Variants in JAKMIP3 observed in about 807,000 individuals in gnomAD.
JAKMIP3 encodes Janus kinase and microtubule interacting protein 3, also known as janus kinase and microtubule-interacting protein 3.
A neutral mutation model predicts 118.5 loss-of-function variants in JAKMIP3; 58 were observed. The ratio of observed to expected loss-of-function variants is 0.49; its 90% CI spans 0.40 to 0.61. The LOEUF (loss-of-function observed/expected upper bound fraction) is 0.61, where lower values mean the gene tolerates loss of function less well. Among genes scored for constraint, JAKMIP3 ranks in the 20% least tolerant of loss-of-function variants. The pLI is 0.00. For synonymous variants in JAKMIP3, 486 were observed against 451.2 expected, an observed-to-expected ratio of 1.08 and a Z score of -0.98; for missense variants, 950 against 1,109.0, an observed-to-expected ratio of 0.86 and a Z score of 2.04.
At position 132,150,755 on chromosome 10, in the gene JAKMIP3, C is replaced by T. The variant is rs527747200; in HGVS notation, c.2007+714C>T. ...ATCCGTCCTCCATAATCCATGTATC[C>T]GTCCTCCATAATCCATGTATCCGTC... On this transcript the variant is annotated intron_variant, in intron 16 of 23. Transcript: ENST00000684848. Among the ~76,000 whole-genome samples, 183 of 152,078 alleles carry T rather than the reference C, an allele frequency of 1.2e-3. 1 individual carries two copies. Among genetic ancestry groups the T allele is most frequent in the African/African-American group, 4.0e-3 (167 of 41,462 alleles).
At position 132,142,070 on chromosome 10, in the gene JAKMIP3, C is replaced by CGT. The variant is rs386372877; in HGVS notation, c.1602+23_1602+24dup. On this transcript the variant is annotated intron_variant, in intron 11 of 23. Coordinates refer to ENST00000684848, the MANE Select transcript of JAKMIP3 (RefSeq NM_001323087.2). ...TAAGGTCTACGTGACTTCCACCGCGCGTTCCGGCCCCCCTCGTGCCTTCCC... is the reference window on the plus strand; with the variant it reads ...TAAGGTCTACGTGACTTCCACCGCGCGTGTTCCGGCCCCCCTCGTGCCTTCCC... 5.1e-5 allele frequency: 81 copies of CGT among 1,592,082 alleles called. 1 individual carries two copies. Among genetic ancestry groups the CGT allele is most frequent in the East Asian group, 1.6e-4 (7 of 44,190 alleles).
intron 1 of JAKMIP3, among the ~76,000 whole-genome samples, chr10:132,050,942 T>G (rs1318741553): frequency 1.9e-4 from 24 of 128,914 alleles, no homozygotes; most frequent in South Asian, 8.3e-4. Context: ...TTCTGGTGAG[T>G]GGGTACCTGC....
intron 23 of JAKMIP3, among the ~76,000 whole-genome samples, chr10:132,171,190 C>T (rs1030733703): frequency 3.9e-5 from 6 of 152,224 alleles, no homozygotes; most frequent in Non-Finnish European, 8.8e-5. Context: ...TCCTCTGAAG[C>T]GAGGCGGCTG....
At chr10:132,107,990 G>A (rs1381410712) in intron 2 of JAKMIP3, among the ~76,000 whole-genome samples, 1 of 152,242 alleles carries the variant, frequency 6.6e-6, no homozygotes. Context: ...CCCAAGGGCA[G>A]CTCCAGGAGT....
At chr10:132,159,118 CCGTGTGATTCTGGGGGCGTCTCTCCT>C (rs1198103971) in intron 19 of JAKMIP3, among the ~76,000 whole-genome samples, 13,756 of 131,362 alleles carry the variant, frequency 0.1, 987 homozygotes, top group Non-Finnish European at 0.13. Context: ...GCGTCTCTCC[CCGTGTGATTCTGGGGGCGTCTCTCCT>C]TGTGTGATGT....
At chr10:132,154,089 C>T (rs7906747) in intron 19 of JAKMIP3, 99 bp downstream of exon 19, 672,258 of 1,045,744 alleles carry the variant, frequency 0.64, 224,132 homozygotes, top group Admixed American at 0.76. Context: ...CCCATGTGGG[C>T]CAGGTCGCAG....
chr10:132,092,700 G>A (rs949272031), intron 1 of JAKMIP3, among the ~76,000 whole-genome samples: 2 of 152,110 alleles, frequency 1.3e-5, no homozygotes, highest in African/African-American at 4.8e-5. Context: ...TAGCTTCTCT[G>A]TGATGGGTTT....
intron 13 of JAKMIP3, among the ~76,000 whole-genome samples, chr10:132,147,047 TAC>T (rs938414915): frequency 2.0e-5 from 3 of 152,240 alleles, no homozygotes; most frequent in African/African-American, 7.2e-5. Flanking sequence ...CTTGTGCACG[TAC>T]ACACATGCGC....
At chr10:132,075,880 C>T (rs2040711771) in intron 1 of JAKMIP3, among the ~76,000 whole-genome samples, 1 of 152,166 alleles carries the variant, frequency 6.6e-6, no homozygotes, top group African/African-American at 2.4e-5. Flanking sequence ...CATTTGACAA[C>T]ACCTCCTCCC....
Position 132,135,951 on chromosome 10 carries a change from G to A in JAKMIP3, c.991G>A (p.Glu331Lys). The change falls in exon 6 of 24, where the codon GAG becomes AAG. Residue 331 changes from glutamate to lysine, a missense_variant. Coordinates refer to ENST00000684848, the MANE Select transcript of JAKMIP3 (RefSeq NM_001323087.2). Reference sequence around the variant, plus strand: ...TCAGTTGAAGCGCGTAAGAGAAGCTGAGAGTCAGTACAAGCCTCTGCTGGA... The same window carrying A: ...TCAGTTGAAGCGCGTAAGAGAAGCTAAGAGTCAGTACAAGCCTCTGCTGGA... ...NELLKRVREA[E>K]SQYKPLLDKN... is the part of the protein sequence containing the mutation. 1 of 1,613,032 alleles carries A rather than the reference G, an allele frequency of 6.2e-7. No homozygotes were observed. The highest frequency in any genetic ancestry group is 8.5e-7 in the Non-Finnish European group (1 of 1,179,582).
intron 1 of JAKMIP3, among the ~76,000 whole-genome samples, chr10:132,079,107 C>T (rs1263139974): frequency 1.4e-5 from 2 of 142,814 alleles, no homozygotes; most frequent in East Asian, 1.9e-4. Flanking sequence ...GGCCTGGGCC[C>T]GGCTTACAGT....
chr10:132,050,351 G>A (rs1284167978), intron 1 of JAKMIP3, among the ~76,000 whole-genome samples: 2 of 152,198 alleles, frequency 1.3e-5, no homozygotes, highest in Non-Finnish European at 2.9e-5. Context: ...TCACCCACGT[G>A]GAAAGCAGCT....
In JAKMIP3 at chr10:132,150,733, C is replaced by T. The variant is rs541852911; in HGVS notation, c.2007+692C>T. ...ATCCGTCCTCCATAATCCATCTATC[C>T]GTCCTCCATAATCCATGTATCCGTC... On this transcript the variant is annotated intron_variant, in intron 16 of 23. Coordinates refer to ENST00000684848, the MANE Select transcript of JAKMIP3 (RefSeq NM_001323087.2). 3.9e-5 allele frequency among the ~76,000 whole-genome samples: 6 copies of T among 152,082 alleles called. No homozygotes were observed. In the East Asian group the frequency reaches 5.8e-4, roughly 15 times the overall value.
Position 132,149,500 on chromosome 10 carries a change from A to T in JAKMIP3, c.1937A>T (p.Glu646Val), listed in dbSNP as rs760335018. 6 of 1,566,668 alleles carry T rather than the reference A, an allele frequency of 3.8e-6. No individual in the cohort carries two copies. The East Asian group carries it at 1.4e-4, about 36-fold the overall frequency. Reference protein sequence around the residue: ...KSPLQVYCEAEGVTDIVVAEL... With the variant: ...KSPLQVYCEAVGVTDIVVAEL... ...CCCCTCCAGGTGTACTGCGAGGCCG[A>T]AGGTGTGACGGTGAGTCCCGCCCCT... Residue 646 changes from glutamate to valine, a missense_variant, in exon 15 of 24, where the codon GAA (glutamate) becomes GTA (valine). By Grantham distance (121) the Glu-to-Val change is moderately radical (BLOSUM62 -2). Coordinates refer to ENST00000684848, the MANE Select transcript of JAKMIP3 (RefSeq NM_001323087.2).
chr10:132,125,276 C>T (rs2049305479), intron 3 of JAKMIP3, among the ~76,000 whole-genome samples: 2 of 152,196 alleles, frequency 1.3e-5, no homozygotes, highest in Non-Finnish European at 2.9e-5. Context: ...AGTTGGATAT[C>T]CCTGCTTGCT....
Position 132,044,606 on chromosome 10 carries a change from G to A in JAKMIP3, c.-138+7868G>A, listed in dbSNP as rs190874112. 1.0e-3 allele frequency among the ~76,000 whole-genome samples: 155 copies of A among 152,260 alleles called. No individual in the cohort carries two copies. Among genetic ancestry groups the A allele is most frequent in the South Asian group, 4.8e-3 (23 of 4,820 alleles). On this transcript the variant is annotated intron_variant, in intron 1 of 23. Coordinates refer to the JAKMIP3 transcript ENST00000657785. The surrounding 1 kb of genome is among the most constrained non-coding windows in gnomAD (Gnocchi z 5.3). ...GACTAGAGCAGGCTGGGGTCCTGGC[G>A]CGGGCTCTTCCTCAGGGCAGCAGGA...
intron 1 of JAKMIP3, among the ~76,000 whole-genome samples, chr10:132,088,165 CAT>C (rs1445729645): frequency 6.6e-6 from 1 of 152,200 alleles, no homozygotes; most frequent in East Asian, 1.9e-4. Flanking sequence ...CCGCAGTAAA[CAT>C]ATGTGTGCAT....
In JAKMIP3 at chr10:132,180,530, T is replaced by TGTGTGTGTGTGTGTGTGC. The variant is rs776553583; in HGVS notation, c.*1104-1812_*1104-1811insTGCGTGTGTGTGTGTGTG. On this transcript the variant is annotated intron_variant, in intron 23 of 23. Transcript: ENST00000684848. ...GCAAACCTGGAAGCAGAACTGTGTG[T>TGTGTGTGTGTGTGTGTGC]GTGTGTGTGTGTGTGCGTGCGTGCA... Among the ~76,000 whole-genome samples the TGTGTGTGTGTGTGTGTGC allele has an allele frequency of 1.2e-3, 38 of 31,948 alleles. 11 individuals carry two copies. Among genetic ancestry groups the TGTGTGTGTGTGTGTGTGC allele is most frequent in the African/African-American group, 4.0e-3 (20 of 5,022 alleles). The allele number at this position is 31,948 out of a possible 152,430, so 21.0% of individuals were successfully genotyped here. A position where few individuals can be genotyped will look rare whatever the true frequency, so the allele number is the denominator to read the frequency against.
chr10:132,041,966 A>T (rs565981306), intron 1 of JAKMIP3, among the ~76,000 whole-genome samples: 7 of 151,648 alleles, frequency 4.6e-5, no homozygotes, highest in African/African-American at 1.7e-4. Context: ...TCCCAGGTTC[A>T]GGTGATTCTT....
Sources: allele counts gnomAD v4.1 joint callset (sites outside exome capture counted in the v4.1 genomes callset), GRCh38; gene constraint gnomAD v4.1.1; non-coding constraint Gnocchi (gnomAD v3.1); transcripts MANE v1.5; gene names NCBI Gene and HGNC (gene_info 2026-07-23, HGNC 2026-07-21).